SFSWAP: variants seen among roughly 807,000 people sequenced by gnomAD.
SFSWAP encodes the protein splicing factor, suppressor of white-apricot homolog.
A neutral mutation model predicts 100.7 loss-of-function variants in SFSWAP; 17 were observed. That is an observed-to-expected ratio of 0.17 (90% CI 0.12 to 0.25). The LOEUF is 0.25. Among genes scored for constraint, SFSWAP ranks in the 10% least tolerant of loss-of-function variants. The pLI, the probability that SFSWAP is intolerant of heterozygous loss-of-function variation, is 1.00. For missense variants in SFSWAP, 1,005 were observed against 1,262.6 expected, an observed-to-expected ratio of 0.80 and a Z score of 3.09; for synonymous variants, 504 against 510.1, an observed-to-expected ratio of 0.99 and a Z score of 0.16.
At chr12:131,732,672 G>A (rs1879622329) in intron 7 of SFSWAP, among the ~76,000 whole-genome samples, 1 of 152,200 alleles carries the variant, frequency 6.6e-6, no homozygotes, top group Admixed American at 6.5e-5. Flanking sequence ...TTCATATACA[G>A]CCTGTTATTC....
intron 11 of SFSWAP, among the ~76,000 whole-genome samples, chr12:131,763,196 G>A (rs1882821556): frequency 6.6e-6 from 1 of 152,100 alleles, no homozygotes; most frequent in Non-Finnish European, 1.5e-5. Flanking sequence ...AAAGCGGAAG[G>A]ACCTCCGCCA....
At position 131,753,274 on chromosome 12, in the gene SFSWAP, C is replaced by G. The variant is rs377548952; in HGVS notation, c.1233C>G (p.Thr411=). The G allele has an allele frequency of 1.2e-6, 2 of 1,613,592 alleles. No individual in the cohort carries two copies. The highest frequency in any genetic ancestry group is 1.7e-6 in the Non-Finnish European group (2 of 1,179,642). ...CTAACTCCCCTGGAGTGACGACCAC[C>G]GCCCCACCACCTCCTGGGACCACAC... ...TVSNSPGVTT[T]APPPPGTTPL... The change falls in exon 8 of 18, where the codon ACC becomes ACG. Residue 411 remains threonine, a synonymous_variant. Coordinates refer to ENST00000261674, the MANE Select transcript of SFSWAP (RefSeq NM_004592.4).
intron 7 of SFSWAP, among the ~76,000 whole-genome samples, chr12:131,746,182 G>A (rs1881086080): frequency 6.6e-6 from 1 of 152,212 alleles, no homozygotes; most frequent in East Asian, 1.9e-4. Context: ...TCTTTGCAGT[G>A]CAGCCCACCT....
chr12:131,788,920 C>CA (rs777113716), intron 15 of SFSWAP, among the ~76,000 whole-genome samples: 3 of 152,208 alleles, frequency 2.0e-5, no homozygotes, highest in Non-Finnish European at 4.4e-5. Context: ...AATGCTGTGA[C>CA]AGCACCAGAC....
chr12:131,731,774 T>C (rs969803171), intron 7 of SFSWAP, among the ~76,000 whole-genome samples: 1 of 152,108 alleles, frequency 6.6e-6, no homozygotes, highest in Non-Finnish European at 1.5e-5. Context: ...AATAATAAAC[T>C]GGAGAGAGCT....
In SFSWAP at chr12:131,734,574, T is replaced by G. The variant is rs920895198; in HGVS notation, c.1081+6146T>G. 6.6e-6 allele frequency among the ~76,000 whole-genome samples: 1 copy of G among 152,228 alleles called. No homozygotes were observed. On this transcript the variant is annotated intron_variant, in intron 7 of 17. Transcript: ENST00000261674. The surrounding 1 kb of genome is among the most constrained non-coding windows in gnomAD (Gnocchi z 4.9). ...GGCTTGTGCATGTTTGAATGCCCTG[T>G]GGACCCGGAGCTCTGTGAGGCAAAG...
At chr12:131,715,738 A>G (rs1375705968) in intron 3 of SFSWAP, among the ~76,000 whole-genome samples, 1 of 148,938 alleles carries the variant, frequency 6.7e-6, no homozygotes, top group Non-Finnish European at 1.5e-5. Flanking sequence ...TAACTTAGAA[A>G]CATTCAAATG....
In SFSWAP at chr12:131,797,457, G is replaced by C. The variant is rs552465226; in HGVS notation, c.2717+97G>C. On this transcript the variant is annotated intron_variant, in intron 16 of 17. Coordinates refer to ENST00000261674, the MANE Select transcript of SFSWAP (RefSeq NM_004592.4). ...TGAGTCCTTGCCTATGTCAGTACTC[G>C]CCTGTGTCCAGGGGGCGCCAGCCAC... The C allele has an allele frequency of 8.4e-5, 97 of 1,157,016 alleles. 1 individual carries two copies. In the East Asian group the frequency reaches 2.4e-3, roughly 29 times the overall value. 71.7% of individuals were successfully genotyped at this position (1,157,016 alleles called of 1,614,324 possible). A position where few individuals can be genotyped will look rare whatever the true frequency, so the allele number is the denominator to read the frequency against.
chr12:131,729,091 A>G (rs1266587443), intron 7 of SFSWAP, among the ~76,000 whole-genome samples: 1 of 152,216 alleles, frequency 6.6e-6, no homozygotes, highest in Non-Finnish European at 1.5e-5. Flanking sequence ...CTCCCCACTC[A>G]GCAGAGGCAA....
chr12:131,727,238 C>T (rs1482391035), intron 6 of SFSWAP, among the ~76,000 whole-genome samples, 186 bp downstream of exon 6: 4 of 152,174 alleles, frequency 2.6e-5, no homozygotes, highest in African/African-American at 9.7e-5. Flanking sequence ...GGTTTCTTAC[C>T]TGTCTAGCTT....
intron 4 of SFSWAP, among the ~76,000 whole-genome samples, chr12:131,720,470 G>A (rs1464162094): frequency 6.6e-6 from 1 of 152,172 alleles, no homozygotes; most frequent in African/African-American, 2.4e-5. Context: ...GTGTATACTT[G>A]GGAAGGACTC....
In SFSWAP at chr12:131,714,771, T is replaced by C; in HGVS notation, c.389-51T>C. ...TACAACTTTAGAAATATATAAAGTT[T>C]TTCTCAGTAATTTTCTATTTTTGTT... On this transcript the variant is annotated intron_variant, in intron 2 of 17. Transcript: ENST00000261674. This position sits in a 1 kb window ranked among gnomAD's most constrained non-coding sequence, Gnocchi z 6.0. The C allele has an allele frequency of 1.9e-6, 3 of 1,542,668 alleles. No homozygotes were observed. Among genetic ancestry groups the C allele is most frequent in the Non-Finnish European group, 2.7e-6 (3 of 1,119,970 alleles).
At chr12:131,797,731 T>G (rs1313503284) in intron 16 of SFSWAP, among the ~76,000 whole-genome samples, 3 of 152,130 alleles carry the variant, frequency 2.0e-5, no homozygotes, top group Non-Finnish European at 4.4e-5. Flanking sequence ...CTGGAGCAGG[T>G]CCCCAGGCTG....
At chr12:131,719,177 C>T (rs899235716) in intron 3 of SFSWAP, among the ~76,000 whole-genome samples, 1 of 152,168 alleles carries the variant, frequency 6.6e-6, no homozygotes, top group African/African-American at 2.4e-5. Flanking sequence ...AACCAGTCCC[C>T]TGCGTATACC....
At chr12:131,760,235 A>C (rs1412995433) in intron 11 of SFSWAP, among the ~76,000 whole-genome samples, 1 of 152,192 alleles carries the variant, frequency 6.6e-6, no homozygotes. Context: ...GCATGGCCTG[A>C]ATAAAGTTAA....
chr12:131,756,661 A>G lies in SFSWAP; in HGVS notation c.1720+17A>G. On this transcript the variant is annotated intron_variant, in intron 11 of 17. Transcript: ENST00000261674. ...TGGTGAAAGGTATGCTGCCACTTGC[A>G]TGTTGGCCTTGCACATTCCACCATA... 6.4e-7 allele frequency: 1 copy of G among 1,566,140 alleles called. No homozygotes were observed. The highest frequency in any genetic ancestry group is 8.6e-7 in the Non-Finnish European group (1 of 1,156,828).
At position 131,711,461 on chromosome 12, in the gene SFSWAP, C is replaced by T. The variant is rs1306642305; in HGVS notation, c.218+14C>T. ...CCTCATCGACAGGTCGGTTCCTCTCCCCACCCGTCGATCCTTCCCTTCCCT... is the reference window on the plus strand; with the variant it reads ...CCTCATCGACAGGTCGGTTCCTCTCTCCACCCGTCGATCCTTCCCTTCCCT... On this transcript the variant is annotated intron_variant, in intron 1 of 17. Transcript: ENST00000261674. This position sits in a 1 kb window ranked among gnomAD's most constrained non-coding sequence, Gnocchi z 4.9. The T allele has an allele frequency of 3.8e-6, 6 of 1,598,166 alleles. No homozygotes were observed. Among genetic ancestry groups the T allele is most frequent in the Non-Finnish European group, 5.1e-6 (6 of 1,167,104 alleles).
chr12:131,789,915 C>T (rs1179647609), intron 15 of SFSWAP, among the ~76,000 whole-genome samples: 1 of 152,244 alleles, frequency 6.6e-6, no homozygotes, highest in East Asian at 1.9e-4. Context: ...AAGTCTGCAT[C>T]TGCCCCTTCG....
At chr12:131,741,951 G>A (rs187901574) in intron 7 of SFSWAP, among the ~76,000 whole-genome samples, 25 of 152,196 alleles carry the variant, frequency 1.6e-4, no homozygotes, top group African/African-American at 6.0e-4. Context: ...TCCCTGGTGT[G>A]CAAGCCTGTG....
Sources: allele counts gnomAD v4.1 joint callset (sites outside exome capture counted in the v4.1 genomes callset), GRCh38; gene constraint gnomAD v4.1.1; non-coding constraint Gnocchi (gnomAD v3.1); transcripts MANE v1.5; gene names NCBI Gene and HGNC (gene_info 2026-07-23, HGNC 2026-07-21).